PPP2R2D: variants seen among roughly 807,000 people sequenced by gnomAD.
PPP2R2D encodes the protein serine/threonine-protein phosphatase 2A 55 kDa regulatory subunit B delta isoform.
PPP2R2D carries 9 observed loss-of-function variants against 31.1 expected under a neutral mutation model. That is an observed-to-expected ratio of 0.29 (90% CI 0.17 to 0.51). The LOEUF is 0.51. PPP2R2D is among the 20% of genes least tolerant of loss of function. PPP2R2D has a pLI of 0.98. For missense variants in PPP2R2D, 391 were observed against 465.6 expected (o/e 0.84, Z 1.48); for synonymous variants, 179 against 172.6 (o/e 1.04, Z -0.29).
chr10:131,964,823 C>G (rs929555400), downstream of PPP2R2D, among the ~76,000 whole-genome samples: 2 of 151,998 alleles, frequency 1.3e-5, no homozygotes, highest in African/African-American at 2.4e-5. Flanking sequence ...GGATTCCCCC[C>G]CAAAACAGTT....
downstream of PPP2R2D, among the ~76,000 whole-genome samples, chr10:131,960,648 G>C (rs1390164308): frequency 6.6e-6 from 1 of 152,180 alleles, no homozygotes; most frequent in Non-Finnish European, 1.5e-5. Flanking sequence ...GAAGAAGCTG[G>C]CCCTGGATCC....
In PPP2R2D at chr10:131,932,624, G is replaced by A. The variant is rs544518680; in HGVS notation, c.101-1834G>A. 1.4e-4 allele frequency among the ~76,000 whole-genome samples: 16 copies of A among 114,870 alleles called. No homozygotes were observed. The South Asian group carries it at 2.1e-3, about 15-fold the overall frequency. The allele number at this position is 114,870 out of a possible 152,430, so 75.4% of individuals were successfully genotyped here. On this transcript the variant is annotated intron_variant, in intron 2 of 8. Transcript: ENST00000455566. ...GGAGGTTGCGGTGAGCCAAGATCGC[G>A]CCACTGTACTCCAGCCTGTCTCAAA...
chr10:131,970,637 C>A, the PPP2R2D span: 1 of 1,613,714 alleles, frequency 6.2e-7, no homozygotes. The surrounding 1 kb of genome is among the most constrained non-coding windows in gnomAD (Gnocchi z 4.1). Context: ...ACATCACCTA[C>A]CCCAATCCGA....
chr10:131,941,194 T>A (rs1275644872), intron 5 of PPP2R2D, among the ~76,000 whole-genome samples: 1 of 152,252 alleles, frequency 6.6e-6, no homozygotes, highest in African/African-American at 2.4e-5. Flanking sequence ...ATGAGCATCA[T>A]TACTTTTTTA....
At chr10:131,929,830 A>G (rs1375068212) in intron 2 of PPP2R2D, among the ~76,000 whole-genome samples, 3 of 152,046 alleles carry the variant, frequency 2.0e-5, no homozygotes, top group Non-Finnish European at 4.4e-5. Flanking sequence ...CTGCTTCCTC[A>G]TAGCACCCGA....
chr10:131,917,058 C>T (rs1305420264), intron 2 of PPP2R2D, among the ~76,000 whole-genome samples: 11 of 146,240 alleles, frequency 7.5e-5, no homozygotes, highest in East Asian at 4.1e-4. Flanking sequence ...GGACCTCAGG[C>T]GGGTGGAATG....
At chr10:131,940,820 C>T (rs781960802) in intron 5 of PPP2R2D, 126 bp downstream of exon 5, 32 of 582,872 alleles carry the variant, frequency 5.5e-5, no homozygotes, top group Non-Finnish European at 9.0e-5. Context: ...CCTCGTGATT[C>T]CTGAAAGTCG....
chr10:131,904,826 C>T (rs1219978837), intron 2 of PPP2R2D, among the ~76,000 whole-genome samples: 2 of 152,130 alleles, frequency 1.3e-5, no homozygotes, highest in Admixed American at 6.5e-5. Flanking sequence ...AGTAGGCACT[C>T]CTGACTTTGG....
chr10:131,970,619 A>G, the PPP2R2D span: 1 of 1,612,602 alleles, frequency 6.2e-7, no homozygotes, highest in Non-Finnish European at 8.5e-7. The surrounding 1 kb of genome is among the most constrained non-coding windows in gnomAD (Gnocchi z 4.1). Flanking sequence ...GACAGGAGTC[A>G]CACAGTCACA....
intron 2 of PPP2R2D, among the ~76,000 whole-genome samples, chr10:131,911,340 GA>G (rs1458687709): frequency 6.6e-6 from 1 of 152,208 alleles, no homozygotes; most frequent in African/African-American, 2.4e-5. Flanking sequence ...TGTGATGGGA[GA>G]AACTGAATTT....
At chr10:131,944,348 A>G (rs1554897629) in intron 6 of PPP2R2D, among the ~76,000 whole-genome samples, 1 of 152,208 alleles carries the variant, frequency 6.6e-6, no homozygotes, top group Non-Finnish European at 1.5e-5. Context: ...GGAAAAAGTT[A>G]TCTGTATAAT....
intron 2 of PPP2R2D, among the ~76,000 whole-genome samples, chr10:131,920,341 TAGGGACC>T (rs1554894055): frequency 7.0e-6 from 1 of 142,114 alleles, no homozygotes; most frequent in East Asian, 2.2e-4. Context: ...TGACACAGTG[TAGGGACC>T]TCAGGCAGGT....
At position 131,957,752 on chromosome 10, in the gene PPP2R2D, T is replaced by C. The variant is rs1228815499; in HGVS notation, c.*1789T>C. ...CCATCTCCCTGTGGAGATGAAGGGGTGTGCCAATCCCCCGCGCCCCTGTGG... is the reference window on the plus strand; with the variant it reads ...CCATCTCCCTGTGGAGATGAAGGGGCGTGCCAATCCCCCGCGCCCCTGTGG... On this transcript the variant is annotated 3_prime_UTR_variant, in exon 9 of 9. Transcript: ENST00000455566. The C allele has an allele frequency of 1.0e-3, 137 of 137,384 alleles. 1 individual carries two copies. Among genetic ancestry groups the C allele is most frequent in the Admixed American group, 4.2e-3 (52 of 12,242 alleles). 8.5% of individuals were successfully genotyped at this position (137,384 alleles called of 1,614,324 possible).
At chr10:131,905,527 A>G (rs1214145778) in intron 2 of PPP2R2D, among the ~76,000 whole-genome samples, 11 of 151,904 alleles carry the variant, frequency 7.2e-5, no homozygotes, top group African/African-American at 2.4e-4. Context: ...CCCCCTTCCC[A>G]CCCCAGCCCT....
intron 2 of PPP2R2D, among the ~76,000 whole-genome samples, chr10:131,903,086 A>G (rs1202290329): frequency 6.6e-6 from 1 of 152,162 alleles, no homozygotes; most frequent in Non-Finnish European, 1.5e-5. Flanking sequence ...AATTATTGAT[A>G]AGCTGAATGA....
intron 2 of PPP2R2D, among the ~76,000 whole-genome samples, chr10:131,904,923 G>A (rs1238533625): frequency 6.6e-6 from 1 of 152,096 alleles, no homozygotes; most frequent in East Asian, 1.9e-4. Context: ...TTGGGCTGGG[G>A]AATCAGAATC....
chr10:131,917,230 C>T (rs1254200793), intron 2 of PPP2R2D, among the ~76,000 whole-genome samples: 888 of 106,706 alleles, frequency 8.3e-3, no homozygotes, highest in Non-Finnish European at 8.6e-3. Context: ...GGACCTCAGG[C>T]GGGTGGAATG....
chr10:131,949,617 T>A (rs1000677211), intron 8 of PPP2R2D, among the ~76,000 whole-genome samples: 4 of 151,620 alleles, frequency 2.6e-5, no homozygotes, highest in African/African-American at 9.7e-5. Flanking sequence ...AAACTAAGAA[T>A]GCTTGAGATA....
At chr10:131,923,418 A>G (rs1414927192) in intron 2 of PPP2R2D, among the ~76,000 whole-genome samples, 1 of 152,174 alleles carries the variant, frequency 6.6e-6, no homozygotes, top group Non-Finnish European at 1.5e-5. Context: ...ACATTCTTGT[A>G]CATGTTTTTG....
Sources: gnomAD v4.1 joint callset for allele counts (sites outside exome capture counted in the v4.1 genomes callset) on GRCh38, gnomAD v4.1.1 for gene constraint, Gnocchi (gnomAD v3.1) non-coding constraint, MANE v1.5 for transcripts, NCBI Gene and HGNC (gene_info 2026-07-23, HGNC 2026-07-21) for gene names.